NEBL: variants seen among roughly 807,000 people sequenced by gnomAD.
NEBL encodes nebulette.
A neutral mutation model predicts 140.2 loss-of-function variants in NEBL; 122 were observed. That is an observed-to-expected ratio of 0.87 (90% CI 0.75 to 1.01). The LOEUF (loss-of-function observed/expected upper bound fraction) is 1.01. Ranked by LOEUF, NEBL falls within the 50% of genes least tolerant of loss-of-function variation. The probability of loss-of-function intolerance (pLI) is 0.00; values close to 1 mark genes in which losing one functional copy is unlikely to be tolerated. For missense variants in NEBL, 1,365 were observed against 1,231.3 expected (o/e 1.11, Z -1.62); for synonymous variants, 436 against 398.9 (o/e 1.09, Z -1.11).
Position 21,288,809 on chromosome 10 carries a change from C to CGTGTGT in NEBL, n.182+4015_182+4020dup, listed in dbSNP as rs76161328. On this transcript the variant is annotated intron_variant and non_coding_transcript_variant, in intron 1 of 8. Transcript: ENST00000675702. The stretch of plus-strand genomic sequence containing the variant: ...AATTATTACCATCTGACAATATATA[C>CGTGTGT]GTGTGTGTGTGTATATATATATATA... Among the ~76,000 whole-genome samples, 236 of 56,738 alleles carry CGTGTGT rather than the reference C, an allele frequency of 4.2e-3. 7 individuals are homozygous for CGTGTGT. Among genetic ancestry groups the CGTGTGT allele is most frequent in the African/African-American group, 8.8e-3 (146 of 16,656 alleles). The allele number at this position is 56,738 out of a possible 152,430, so 37.2% of individuals were successfully genotyped here. A position where few individuals can be genotyped will look rare whatever the true frequency, so the allele number is the denominator to read the frequency against.
chr10:21,150,871 C>G (rs183754437), intron 2 of NEBL, among the ~76,000 whole-genome samples: 94 of 152,288 alleles, frequency 6.2e-4, no homozygotes, highest in African/African-American at 2.1e-3. Flanking sequence ...ACTTCTTCAA[C>G]CCTGGCTGAA....
chr10:20,948,433 T>C (rs1835285025), intron 4 of NEBL, among the ~76,000 whole-genome samples: 1 of 152,218 alleles, frequency 6.6e-6, no homozygotes, highest in Non-Finnish European at 1.5e-5. Context: ...ATTTTCTCCC[T>C]TAAGTAAATC....
chr10:20,847,837 T>C (rs991002018), intron 11 of NEBL, among the ~76,000 whole-genome samples: 2 of 152,246 alleles, frequency 1.3e-5, no homozygotes, highest in Non-Finnish European at 2.9e-5. Flanking sequence ...ATTATAAACC[T>C]GTCTGTTCCA....
chr10:21,172,923 T>G (rs1004684679), intron 1 of NEBL, among the ~76,000 whole-genome samples: 7 of 152,142 alleles, frequency 4.6e-5, no homozygotes, highest in African/African-American at 1.4e-4. Flanking sequence ...GAGAGCTATG[T>G]AAGTACCCCT....
At chr10:21,066,073 T>C (rs1021930717) in intron 2 of NEBL, among the ~76,000 whole-genome samples, 5 of 152,220 alleles carry the variant, frequency 3.3e-5, no homozygotes, top group African/African-American at 1.2e-4. Context: ...TCTTTCCATA[T>C]GAGCATAAGC....
intron 2 of NEBL, among the ~76,000 whole-genome samples, chr10:21,087,424 G>C (rs1459532599): frequency 3.3e-5 from 5 of 152,062 alleles, no homozygotes; most frequent in Non-Finnish European, 7.4e-5. Context: ...ACCTCTGCCT[G>C]TTGATATGTA....
intron 26 of NEBL, among the ~76,000 whole-genome samples, chr10:20,796,367 GAAA>G (rs57844177): frequency 0.11 from 5,896 of 51,310 alleles, 35 homozygotes; most frequent in African/African-American, 0.15. Flanking sequence ...TCTAAAACAA[GAAA>G]AAAAAAAAAA....
intron 1 of NEBL, among the ~76,000 whole-genome samples, chr10:21,274,381 C>T (rs1211314100): frequency 6.6e-6 from 1 of 152,164 alleles, no homozygotes; most frequent in Non-Finnish European, 1.5e-5. Context: ...ACACATATTT[C>T]CTATGTTCTA....
chr10:21,120,422 A>ATATATT (rs1191813457), intron 2 of NEBL, among the ~76,000 whole-genome samples: 1,173 of 85,696 alleles, frequency 0.014, 11 homozygotes, highest in African/African-American at 0.018. Context: ...ATATATATAT[A>ATATATT]TAAATTTGAT....
At chr10:20,804,470 A>G (rs186389335) in intron 26 of NEBL, 1 of 152,316 alleles carries the variant, frequency 6.6e-6, no homozygotes, top group African/African-American at 2.4e-5. Flanking sequence ...TCTAGCTGTA[A>G]CATGATTTAT....
intron 4 of NEBL, among the ~76,000 whole-genome samples, chr10:20,887,771 G>A (rs1486076122): frequency 6.6e-6 from 1 of 152,052 alleles, no homozygotes; most frequent in Admixed American, 6.6e-5. Flanking sequence ...TCTACTTAGG[G>A]ATCATATATC....
chr10:21,176,802 C>T (rs1841307622), upstream of NEBL, among the ~76,000 whole-genome samples: 1 of 152,186 alleles, frequency 6.6e-6, no homozygotes, highest in African/African-American at 2.4e-5. Flanking sequence ...TCATCACTAT[C>T]CTAAAAACAC....
At chr10:21,045,024 C>T (rs527345824) in intron 2 of NEBL, among the ~76,000 whole-genome samples, 18 of 152,274 alleles carry the variant, frequency 1.2e-4, no homozygotes, top group South Asian at 8.3e-4. Flanking sequence ...CTCAGAAGAA[C>T]GTTAATTATA....
intron 2 of NEBL, among the ~76,000 whole-genome samples, chr10:21,036,702 C>T (rs1377814725): frequency 1.3e-5 from 2 of 151,994 alleles, no homozygotes; most frequent in Non-Finnish European, 1.5e-5. Flanking sequence ...ATAAGCAAAG[C>T]ACGTTCCTCC....
At chr10:21,165,481 A>G (rs557380029) in intron 2 of NEBL, among the ~76,000 whole-genome samples, 17 of 152,262 alleles carry the variant, frequency 1.1e-4, no homozygotes, top group African/African-American at 4.1e-4. Flanking sequence ...TGCCTTCCCA[A>G]AAGAAACTAG....
chr10:21,291,386 A>T (rs1010427126), intron 1 of NEBL, among the ~76,000 whole-genome samples: 1 of 151,540 alleles, frequency 6.6e-6, no homozygotes, highest in Non-Finnish European at 1.5e-5. Context: ...CATGGCTGTA[A>T]TCCCAGCTAC....
At position 20,994,479 on chromosome 10, in the gene NEBL, G is replaced by A. The variant is rs191510349; in HGVS notation, c.249+25638C>T. Among the ~76,000 whole-genome samples the A allele has an allele frequency of 4.1e-3, 622 of 152,192 alleles. 2 individuals are homozygous for A. Among genetic ancestry groups the A allele is most frequent in the Non-Finnish European group, 6.1e-3 (414 of 68,024 alleles). On this transcript the variant is annotated intron_variant, in intron 3 of 6. Transcript: ENST00000417816. Reference sequence around the variant, plus strand: ...AAGATTCAAATGTAACTAATTCAACGTCTTTTTGCATTCAAAATCCAGACT... The same window carrying A: ...AAGATTCAAATGTAACTAATTCAACATCTTTTTGCATTCAAAATCCAGACT...
At chr10:21,286,968 G>A (rs1027772197) in intron 1 of NEBL, among the ~76,000 whole-genome samples, 11 of 152,190 alleles carry the variant, frequency 7.2e-5, no homozygotes, top group Non-Finnish European at 1.3e-4. Context: ...AGGGTGGTGG[G>A]GAGGCAGAGG....
At chr10:21,149,412 T>A (rs1354623549) in intron 2 of NEBL, among the ~76,000 whole-genome samples, 1 of 152,166 alleles carries the variant, frequency 6.6e-6, no homozygotes, top group African/African-American at 2.4e-5. Flanking sequence ...CACCTCAGCC[T>A]CCTGAGTAGC....
Sources: gnomAD v4.1 joint callset for allele counts (sites outside exome capture counted in the v4.1 genomes callset) on GRCh38, gnomAD v4.1.1 for gene constraint, MANE v1.5 for transcripts, NCBI Gene and HGNC (gene_info 2026-07-23, HGNC 2026-07-21) for gene names.